Variants in ANKS1B observed in about 807,000 individuals in gnomAD.
ANKS1B encodes the protein ankyrin repeat and sterile alpha motif domain containing 1B.
Under a neutral mutation model 148.3 loss-of-function variants are expected in ANKS1B, and 36 were observed. The observed-to-expected ratio is 0.24, with a 90% CI of 0.19 to 0.32. The LOEUF (loss-of-function observed/expected upper bound fraction) is 0.32, where lower values mean the gene tolerates loss of function less well. Among genes scored for constraint, ANKS1B ranks in the 10% least tolerant of loss-of-function variants. The pLI, the probability that ANKS1B is intolerant of heterozygous loss-of-function variation, is 1.00. For missense variants in ANKS1B, 1,157 were observed against 1,542.6 expected (o/e 0.75, Z 4.19); for synonymous variants, 542 against 560.8 (o/e 0.97, Z 0.47).
At chr12:99,295,030 T>C (rs1235961156) in intron 12 of ANKS1B, among the ~76,000 whole-genome samples, 1 of 152,188 alleles carries the variant, frequency 6.6e-6, no homozygotes, top group African/African-American at 2.4e-5. Context: ...AATTACACAT[T>C]GTATGCCTGG....
chr12:99,183,503 CGTG>C (rs2079395946), intron 14 of ANKS1B, among the ~76,000 whole-genome samples: 1 of 151,988 alleles, frequency 6.6e-6, no homozygotes, highest in Non-Finnish European at 1.5e-5. Flanking sequence ...ATTAGCCAGG[CGTG>C]GTGGTGGTCG....
intron 9 of ANKS1B, among the ~76,000 whole-genome samples, chr12:99,595,943 G>GT (rs1322130327): frequency 6.6e-6 from 1 of 151,828 alleles, no homozygotes; most frequent in Non-Finnish European, 1.5e-5. Context: ...GCAAATGTTT[G>GT]TGATATCAAT....
chr12:99,161,826 G>C (rs2153830550), intron 14 of ANKS1B, among the ~76,000 whole-genome samples: 1 of 152,210 alleles, frequency 6.6e-6, no homozygotes, highest in East Asian at 1.9e-4. Context: ...CTAATATCTG[G>C]ATGTGATATC....
chr12:99,093,645 C>T (rs940767119), intron 15 of ANKS1B: 3 of 152,244 alleles, frequency 2.0e-5, no homozygotes, highest in Non-Finnish European at 4.4e-5. Flanking sequence ...CCTGAGAAGG[C>T]TATCCAGGCT....
intron 5 of ANKS1B, among the ~76,000 whole-genome samples, chr12:99,781,704 T>C (rs2064346966): frequency 6.6e-6 from 1 of 152,188 alleles, no homozygotes; most frequent in African/African-American, 2.4e-5. Context: ...TTCTCAAGGA[T>C]CAATTCCTCT....
chr12:99,823,210 G>C (rs1322811085), intron 2 of ANKS1B, among the ~76,000 whole-genome samples: 5 of 152,050 alleles, frequency 3.3e-5, no homozygotes, highest in African/African-American at 9.7e-5. Context: ...TAGATGCATA[G>C]TTTATGAATA....
chr12:99,162,364 G>A (rs1222127098), intron 14 of ANKS1B, among the ~76,000 whole-genome samples: 2 of 151,974 alleles, frequency 1.3e-5, no homozygotes, highest in Non-Finnish European at 1.5e-5. Flanking sequence ...TAAAATTATT[G>A]AATGATGATA....
At chr12:99,638,555 A>G (rs1457137290) in intron 9 of ANKS1B, among the ~76,000 whole-genome samples, 2 of 152,110 alleles carry the variant, frequency 1.3e-5, no homozygotes, top group Admixed American at 1.3e-4. Context: ...AGAAATTTCT[A>G]AGCAGCAAAG....
At chr12:99,712,937 T>G (rs2056833927) in intron 8 of ANKS1B, among the ~76,000 whole-genome samples, 1 of 152,184 alleles carries the variant, frequency 6.6e-6, no homozygotes, top group South Asian at 2.1e-4. Context: ...TGTCTAAACC[T>G]GAGTTATTTT....
At chr12:99,229,075 GAAAAT>G (rs1449360072) in intron 14 of ANKS1B, among the ~76,000 whole-genome samples, 1 of 151,840 alleles carries the variant, frequency 6.6e-6, no homozygotes, top group Non-Finnish European at 1.5e-5. Context: ...AGAGAGAGCA[GAAAAT>G]AAAAACCACT....
At chr12:99,503,901 T>G (rs1379070419) in intron 10 of ANKS1B, among the ~76,000 whole-genome samples, 1 of 152,120 alleles carries the variant, frequency 6.6e-6, no homozygotes, top group Non-Finnish European at 1.5e-5. Flanking sequence ...CTTAAAGTAA[T>G]AGAAAGAAAC....
chr12:99,157,585 G>C (rs1160991616), intron 14 of ANKS1B, among the ~76,000 whole-genome samples: 1 of 152,152 alleles, frequency 6.6e-6, no homozygotes, highest in Non-Finnish European at 1.5e-5. Context: ...GAGGGAAAGA[G>C]GGAGAGGGAA....
intron 9 of ANKS1B, among the ~76,000 whole-genome samples, chr12:99,531,693 A>T (rs532446970): frequency 7.9e-5 from 12 of 152,280 alleles, no homozygotes; most frequent in African/African-American, 2.2e-4. Flanking sequence ...TCTTTCTAAT[A>T]ACTTCCTTTT....
At chr12:98,736,143 G>A (rs1052174145) in intron 9 of ANKS1B, among the ~76,000 whole-genome samples, 2 of 152,200 alleles carry the variant, frequency 1.3e-5, no homozygotes, top group African/African-American at 4.8e-5. Context: ...GACTCTGGGA[G>A]CCAGTGTAGG....
intron 9 of ANKS1B, among the ~76,000 whole-genome samples, chr12:99,507,873 T>A (rs1214948843): frequency 2.6e-5 from 4 of 151,828 alleles, no homozygotes; most frequent in Non-Finnish European, 5.9e-5. Context: ...AGAGGTAGAA[T>A]ATTACCATTG....
chr12:98,996,321 G>A lies in ANKS1B; in HGVS notation c.2778+56836C>T, dbSNP rs1333227632. Among the ~76,000 whole-genome samples the A allele has an allele frequency of 2.6e-5, 4 of 152,174 alleles. No homozygotes were observed. In the East Asian group the frequency reaches 7.7e-4, roughly 29 times the overall value. On this transcript the variant is annotated intron_variant, in intron 17 of 26. Transcript: ENST00000683438. Reference sequence around the variant, plus strand: ...GAACCTTCAGTGTCTCTGAGCATGGGAAGATGAAAAGATTTGCTTTTCATG... The same window carrying A: ...GAACCTTCAGTGTCTCTGAGCATGGAAAGATGAAAAGATTTGCTTTTCATG...
intron 1 of ANKS1B, among the ~76,000 whole-genome samples, chr12:99,833,232 A>G (rs964674379): frequency 7.9e-5 from 12 of 152,218 alleles, no homozygotes; most frequent in Non-Finnish European, 1.8e-4. Flanking sequence ...TATATTGAAA[A>G]GCTTGGATTT....
intron 8 of ANKS1B, among the ~76,000 whole-genome samples, chr12:99,713,488 AAC>A (rs1247731964): frequency 1.3e-5 from 2 of 152,126 alleles, no homozygotes; most frequent in Non-Finnish European, 2.9e-5. Context: ...CCACATTTTC[AAC>A]AGTTTGCTTG....
intron 14 of ANKS1B, among the ~76,000 whole-genome samples, chr12:99,157,567 T>C (rs1190991394): frequency 6.6e-6 from 1 of 152,032 alleles, no homozygotes; most frequent in African/African-American, 2.4e-5. Context: ...CATTTCTTAG[T>C]ACAGAGAGAG....
Sources: allele counts gnomAD v4.1 joint callset (sites outside exome capture counted in the v4.1 genomes callset), GRCh38; gene constraint gnomAD v4.1.1; transcripts MANE v1.5; gene names NCBI Gene and HGNC (gene_info 2026-07-23, HGNC 2026-07-21).